PRMT5: variants seen among roughly 807,000 people sequenced by gnomAD.
PRMT5 encodes the protein protein arginine N-methyltransferase 5.
In PRMT5, 15 loss-of-function variants were observed where a neutral mutation model predicts 84.0. That is an observed-to-expected ratio of 0.18 (90% CI 0.12 to 0.28). PRMT5 has a LOEUF of 0.28. PRMT5 is among the 10% of genes least tolerant of loss of function. The pLI, the probability that PRMT5 is intolerant of heterozygous loss-of-function variation, is 1.00. For synonymous variants in PRMT5, 276 were observed against 292.4 expected (o/e 0.94, Z 0.57); for missense variants, 486 against 808.0 (o/e 0.60, Z 4.83).
chr14:22,929,247 C>T lies in PRMT5; in HGVS notation c.110+5G>A, dbSNP rs745638111. Reference sequence around the variant, plus strand: ...GCATTCCGCTCGTGGAGGTCCGGCCCTCACCCCTGCTTGGCCACAGCCCCT... The same window carrying T: ...GCATTCCGCTCGTGGAGGTCCGGCCTTCACCCCTGCTTGGCCACAGCCCCT... On this transcript the variant is annotated splice_donor_5th_base_variant and intron_variant, in intron 1 of 16. Transcript: ENST00000324366. 2 of 1,614,116 alleles carry T rather than the reference C, an allele frequency of 1.2e-6. No individual in the cohort carries two copies. The highest frequency in any genetic ancestry group is 3.3e-5 in the Admixed American group (2 of 60,008).
rs867573689 is a variant in PRMT5 at position 22,923,639 on chromosome 14, G to A, written c.1375+369C>T. ...AGTGATTCTCGCGCCTCAGCCTCCC[G>A]AGTAGCTGGGATTACAGGCGTGCAC... On this transcript the variant is annotated intron_variant, in intron 12 of 16. Coordinates refer to ENST00000324366, the MANE Select transcript of PRMT5 (RefSeq NM_006109.5). This position sits in a 1 kb window ranked among gnomAD's most constrained non-coding sequence, Gnocchi z 5.2. Among the ~76,000 whole-genome samples, 11 of 151,744 alleles carry A rather than the reference G, an allele frequency of 7.2e-5. No homozygotes were observed. The highest frequency in any genetic ancestry group is 2.1e-4 in the South Asian group (1 of 4,810).
chr14:22,922,226 T>A lies in PRMT5; in HGVS notation c.1711A>T (p.Thr571Ser). The A allele has an allele frequency of 6.3e-7, 1 of 1,597,680 alleles. No homozygotes were observed. The highest frequency in any genetic ancestry group is 1.3e-5 in the African/African-American group (1 of 74,634). ...QDITLSIRPE[T>S]HSPGMFSWFP... is the part of the protein sequence containing the mutation. ...CATGAGAACATCCCAGGAGAGTGAG[T>A]CTCTGGACGGATACCTGTGTGGACA... The change falls in exon 16 of 17, where the codon ACT (threonine) becomes TCT (serine). Residue 571 changes from threonine (T) to serine (S), a missense_variant. Thr to Ser is a moderately conservative substitution (Grantham distance 58). Coordinates refer to ENST00000324366, the MANE Select transcript of PRMT5 (RefSeq NM_006109.5).
Position 22,928,624 on chromosome 14 carries a change from G to GC in PRMT5, c.111-10dup. 6.3e-7 allele frequency: 1 copy of GC among 1,580,004 alleles called. No individual in the cohort carries two copies. The highest frequency in any genetic ancestry group is 8.7e-7 in the Non-Finnish European group (1 of 1,149,036). On this transcript the variant is annotated splice_polypyrimidine_tract_variant and intron_variant, in intron 1 of 16. Coordinates refer to ENST00000324366, the MANE Select transcript of PRMT5 (RefSeq NM_006109.5). The surrounding 1 kb of genome is among the most constrained non-coding windows in gnomAD (Gnocchi z 4.8). ...TGCAGAGGAAATCAAACCTACAACC[G>GC]CGACAGACCCAGAATCATGTAAAGA...
chr14:22,925,796 G>A (rs951913943), intron 7 of PRMT5, among the ~76,000 whole-genome samples: 1 of 151,822 alleles, frequency 6.6e-6, no homozygotes, highest in Admixed American at 6.6e-5. Context: ...CTCCAGTCTG[G>A]GTAACAGAGT....
chr14:22,926,947 A>G, intron 4 of PRMT5, 133 bp from the exon 5 acceptor site: 1 of 654,266 alleles, frequency 1.5e-6, no homozygotes, highest in African/African-American at 1.8e-5. Flanking sequence ...GTAATTTTGT[A>G]AGTGAACATG....
At chr14:22,922,318 T>G in intron 15 of PRMT5, 78 bp from the exon 16 acceptor site, 4 of 1,251,908 alleles carry the variant, frequency 3.2e-6, no homozygotes, top group Non-Finnish European at 4.6e-6. Context: ...GTCTCTTCTC[T>G]AATCACACAA....
At chr14:22,922,706 C>T in intron 14 of PRMT5, 36 bp downstream of exon 14, 5 of 1,587,884 alleles carry the variant, frequency 3.1e-6, no homozygotes, top group East Asian at 2.2e-5. Context: ...GAAGCCCGTA[C>T]CCCTCTAGTC....
intron 16 of PRMT5, 133 bp from the exon 17 acceptor site, chr14:22,921,189 T>C (rs1479368507): frequency 1.8e-6 from 2 of 1,101,992 alleles, no homozygotes; most frequent in Admixed American, 2.2e-5. Flanking sequence ...ATTTGAAGCC[T>C]ATCAGAACAC....
Position 22,928,233 on chromosome 14 carries a change from A to G in PRMT5, c.230-22T>C, listed in dbSNP as rs774443873. 27 of 1,608,518 alleles carry G rather than the reference A, an allele frequency of 1.7e-5. No individual in the cohort carries two copies. Among genetic ancestry groups the G allele is most frequent in the Non-Finnish European group, 1.8e-5 (21 of 1,175,312 alleles). On this transcript the variant is annotated intron_variant, in intron 2 of 16. Transcript: ENST00000324366. This position sits in a 1 kb window ranked among gnomAD's most constrained non-coding sequence, Gnocchi z 4.8. ...CAGTCTGCACTCCCCCACCCAAGAA[A>G]GACAAATACTGAATAAGGTTCAGCA... is the stretch of plus-strand genomic sequence containing the variant.
Position 22,926,168 on chromosome 14 carries a change from TAGAA to T in PRMT5, c.738_741del (p.Ser247ArgfsTer40). 2 of 1,613,126 alleles carry T rather than the reference TAGAA, an allele frequency of 1.2e-6. No homozygotes were observed. The highest frequency in any genetic ancestry group is 1.7e-6 in the Non-Finnish European group (2 of 1,179,128). The stretch of plus-strand genomic sequence containing the variant: ...CGGAAGATGAGCCTCTGGTGCATCT[TAGAA>T]AGAACAGGAAATCCCTTCTTATTGG... On this transcript the variant is annotated frameshift_variant, in exon 7 of 17. Coordinates refer to ENST00000324366, the MANE Select transcript of PRMT5 (RefSeq NM_006109.5). LOFTEE classifies it high-confidence loss of function.
At position 22,923,011 on chromosome 14, in the gene PRMT5, TAAA is replaced by T. The variant is rs1317293879; in HGVS notation, c.1485+37_1485+39del. The T allele has an allele frequency of 4.7e-6, 7 of 1,503,298 alleles. No individual in the cohort carries two copies. The African/African-American group carries it at 8.3e-5, about 18-fold the overall frequency. The allele number at this position is 1,503,298 out of a possible 1,614,324, so 93.1% of individuals were successfully genotyped here. ...TGCAAATACAGAAAAAGAAGAGGAC[TAAA>T]GAGTACCACTTCTTTCCAGAGAGAG... On this transcript the variant is annotated intron_variant, in intron 13 of 16. Transcript: ENST00000324366. The surrounding 1 kb of genome is among the most constrained non-coding windows in gnomAD (Gnocchi z 5.2).
Position 22,928,024 on chromosome 14 carries a change from C to T in PRMT5, c.315+102G>A, listed in dbSNP as rs533692758. On this transcript the variant is annotated intron_variant, in intron 3 of 16. Transcript: ENST00000324366. The surrounding 1 kb of genome is among the most constrained non-coding windows in gnomAD (Gnocchi z 4.8). ...GCACCCAGCCTAATAGCTTTAATTTCATTCTATCAGTTAATTTACCAAGTT... is the reference window on the plus strand; with the variant it reads ...GCACCCAGCCTAATAGCTTTAATTTTATTCTATCAGTTAATTTACCAAGTT... 3 of 1,057,064 alleles carry T rather than the reference C, an allele frequency of 2.8e-6. No homozygotes were observed. The East Asian group carries it at 7.2e-5, about 25-fold the overall frequency. 65.5% of individuals were successfully genotyped at this position (1,057,064 alleles called of 1,614,324 possible). A position where few individuals can be genotyped will look rare whatever the true frequency, so the allele number is the denominator to read the frequency against.
Position 22,928,304 on chromosome 14 carries a change from A to T in PRMT5, c.230-93T>A. 1 of 1,421,580 alleles carries T rather than the reference A, an allele frequency of 7.0e-7. No homozygotes were observed. The highest frequency in any genetic ancestry group is 9.9e-7 in the Non-Finnish European group (1 of 1,013,364). 88.1% of individuals were successfully genotyped at this position (1,421,580 alleles called of 1,614,324 possible). A position where few individuals can be genotyped will look rare whatever the true frequency, so the allele number is the denominator to read the frequency against. ...GTTTTGGGAATCAAGAGTAGAAATG[A>T]GAGACAAAGGTTTTTTCTACATAGA... On this transcript the variant is annotated intron_variant, in intron 2 of 16. Coordinates refer to ENST00000324366, the MANE Select transcript of PRMT5 (RefSeq NM_006109.5). The surrounding 1 kb of genome is among the most constrained non-coding windows in gnomAD (Gnocchi z 4.8).
Position 22,928,511 on chromosome 14 carries a change from A to G in PRMT5, c.215T>C (p.Leu72Pro). ...RPGPQTRSDL[L>P]LSGRDWNTLI... ...ATGGTCCCTACCCCTTCCTGACAGCAGTAGGTCTGATCGTGTCTGGGGACC... is the reference window on the plus strand; with the variant it reads ...ATGGTCCCTACCCCTTCCTGACAGCGGTAGGTCTGATCGTGTCTGGGGACC... The change falls in exon 2 of 17, where the codon CTG becomes CCG. Residue 72 changes from leucine (L) to proline (P), a missense_variant. By Grantham distance (98) the Leu-to-Pro change is moderately conservative. Around this residue, in one of 4 missense-constraint regions of PRMT5, gnomAD observed 215 missense variants for 301.1 expected, o/e 0.71. Coordinates refer to ENST00000324366, the MANE Select transcript of PRMT5 (RefSeq NM_006109.5). The surrounding 1 kb of genome is among the most constrained non-coding windows in gnomAD (Gnocchi z 4.8). 6.2e-7 allele frequency: 1 copy of G among 1,611,338 alleles called. No homozygotes were observed. The highest frequency in any genetic ancestry group is 8.5e-7 in the Non-Finnish European group (1 of 1,177,348).
At chr14:22,921,875 C>T (rs2044305255) in intron 16 of PRMT5, among the ~76,000 whole-genome samples, 1 of 130,976 alleles carries the variant, frequency 7.6e-6, no homozygotes, top group African/African-American at 2.8e-5. Context: ...GAGTGAGACT[C>T]CGTCTCTTTA....
chr14:22,925,160 TTTTTTTAA>T (rs1394571475), intron 7 of PRMT5, 120 bp from the exon 8 acceptor site: 2 of 1,115,480 alleles, frequency 1.8e-6, no homozygotes, highest in Non-Finnish European at 2.4e-6. Flanking sequence ...TCTTTTTTTT[TTTTTTTAA>T]AAAAAAAGAT....
chr14:22,925,140 T>TCAA, intron 7 of PRMT5, 100 bp from the exon 8 acceptor site: 1 of 1,165,064 alleles, frequency 8.6e-7, no homozygotes, highest in Non-Finnish European at 1.2e-6. Flanking sequence ...AAGGCCCAGA[T>TCAA]CAACAGTTCT....
chr14:22,925,163 TTTTAAA>T, intron 7 of PRMT5, 123 bp from the exon 8 acceptor site: 1 of 1,097,114 alleles, frequency 9.1e-7, no homozygotes, highest in Non-Finnish European at 1.2e-6. Context: ...TTTTTTTTTT[TTTTAAA>T]AAAAAAGATG....
At position 22,921,757 on chromosome 14, in the gene PRMT5, C is replaced by T. The variant is rs7154618; in HGVS notation, c.1761+419G>A. 6.3e-3 allele frequency among the ~76,000 whole-genome samples: 955 copies of T among 152,036 alleles called. 7 individuals carry two copies. Among genetic ancestry groups the T allele is most frequent in the African/African-American group, 0.021 (869 of 41,484 alleles). ...AATTAGCCGGGTGTGGTGGCTGGCA[C>T]CTGTAATCTCAGCCTCAGGGAGGCT... is the stretch of plus-strand genomic sequence containing the variant. On this transcript the variant is annotated intron_variant, in intron 16 of 16. Transcript: ENST00000324366.
Sources: allele counts gnomAD v4.1 joint callset (sites outside exome capture counted in the v4.1 genomes callset), GRCh38; gene constraint gnomAD v4.1.1; regional missense constraint gnomAD v4.1.1; non-coding constraint Gnocchi (gnomAD v3.1); transcripts MANE v1.5; gene names NCBI Gene and HGNC (gene_info 2026-07-23, HGNC 2026-07-21).